MS4A13: variants seen among roughly 807,000 people sequenced by gnomAD.
MS4A13 encodes membrane spanning 4-domains A13.
Under a neutral mutation model 18.4 loss-of-function variants are expected in MS4A13, and 21 were observed. The ratio of observed to expected loss-of-function variants is 1.14; its 90% CI spans 0.81 to 1.64. MS4A13 has a LOEUF of 1.64. Among genes scored for constraint, MS4A13 ranks in the 40% most tolerant of loss-of-function variants. The probability of loss-of-function intolerance (pLI) is 0.00; values close to 1 mark genes in which losing one functional copy is unlikely to be tolerated. For missense variants in MS4A13, 173 were observed against 176.8 expected (o/e 0.98, Z 0.12); for synonymous variants, 62 against 57.2 (o/e 1.08, Z -0.38).
chr11:60,518,924 G>A (rs2135247415), intron 3 of MS4A13, among the ~76,000 whole-genome samples: 1 of 152,314 alleles, frequency 6.6e-6, no homozygotes, highest in Admixed American at 6.5e-5. Context: ...TAAAGAAATG[G>A]GGTGATAGCT....
chr11:60,533,366 G>C (rs1299139030), intron 6 of MS4A13, among the ~76,000 whole-genome samples: 9 of 122,008 alleles, frequency 7.4e-5, no homozygotes, highest in Admixed American at 2.8e-4. Context: ...CAAGAACTAC[G>C]TGAAGAATGC....
At chr11:60,538,177 T>TTTAAAA (rs60140970) in intron 6 of MS4A13, among the ~76,000 whole-genome samples, 2 of 75,120 alleles carry the variant, frequency 2.7e-5, no homozygotes, top group Non-Finnish European at 6.2e-5. Context: ...TAAAGTATAA[T>TTTAAAA]AAAAAAAAAA....
intron 6 of MS4A13, among the ~76,000 whole-genome samples, chr11:60,532,165 G>A (rs2135264019): frequency 6.6e-6 from 1 of 152,314 alleles, no homozygotes; most frequent in East Asian, 1.9e-4. Flanking sequence ...GTAGGTTGGA[G>A]GAGCCAAGAT....
intron 6 of MS4A13, among the ~76,000 whole-genome samples, chr11:60,538,349 C>T (rs1031468959): frequency 1.2e-4 from 18 of 151,648 alleles, no homozygotes; most frequent in East Asian, 3.9e-4. Context: ...GGATCAATTA[C>T]GTAGACTGGG....
intron 6 of MS4A13, among the ~76,000 whole-genome samples, chr11:60,536,417 C>T (rs1297644859): frequency 1.4e-4 from 7 of 51,436 alleles, no homozygotes; most frequent in Non-Finnish European, 2.4e-4. Flanking sequence ...AGTGAAATCA[C>T]ATTCACAATT....
rs377030647 is a variant in MS4A13 at position 60,542,687 on chromosome 11, T to A, written c.*112T>A. The stretch of plus-strand genomic sequence containing the variant: ...CCTACAGATTTTGTGCAAAATAAAA[T>A]ACAAACAAGGTGAATTTTTCTCCTC... On this transcript the variant is annotated 3_prime_UTR_variant, in exon 7 of 7. Transcript: ENST00000378186. 3.4e-6 allele frequency: 2 copies of A among 584,826 alleles called. No homozygotes were observed. Among genetic ancestry groups the A allele is most frequent in the African/African-American group, 1.9e-5 (1 of 53,344 alleles). The allele number at this position is 584,826 out of a possible 1,614,324, so 36.2% of individuals were successfully genotyped here.
chr11:60,518,465 G>A (rs2086652813), intron 3 of MS4A13, among the ~76,000 whole-genome samples: 1 of 152,164 alleles, frequency 6.6e-6, no homozygotes, highest in Non-Finnish European at 1.5e-5. Context: ...TTTGTCCCTA[G>A]ATATGTGAAA....
chr11:60,527,702 G>C (rs991126953), intron 5 of MS4A13, among the ~76,000 whole-genome samples: 1 of 151,978 alleles, frequency 6.6e-6, no homozygotes, highest in Non-Finnish European at 1.5e-5. Flanking sequence ...TGGGCATGGC[G>C]GTGGGCACCT....
At chr11:60,521,282 T>G (rs1478466760) in intron 3 of MS4A13, among the ~76,000 whole-genome samples, 11 of 152,366 alleles carry the variant, frequency 7.2e-5, no homozygotes, top group Non-Finnish European at 2.9e-5. Context: ...GCTCCTCATT[T>G]CTTATGCAAA....
chr11:60,526,046 G>A (rs143743534), intron 5 of MS4A13, among the ~76,000 whole-genome samples: 2,306 of 152,120 alleles, frequency 0.015, 23 homozygotes, highest in Non-Finnish European at 0.025. Context: ...GAGTAGAAGC[G>A]TCATTACAGG....
chr11:60,518,241 A>G (rs1309827655), intron 3 of MS4A13, 29 bp downstream of exon 3: 3 of 1,544,442 alleles, frequency 1.9e-6, no homozygotes, highest in Non-Finnish European at 1.8e-6. Flanking sequence ...TATTGCTTTA[A>G]TCATACAATA....
intron 3 of MS4A13, among the ~76,000 whole-genome samples, chr11:60,521,426 T>G (rs375396675): frequency 6.6e-6 from 1 of 152,224 alleles, no homozygotes; most frequent in Non-Finnish European, 1.5e-5. Context: ...AGCATCCAAG[T>G]CACCTCTTGA....
chr11:60,525,060 GA>G, intron 4 of MS4A13, 146 bp from the exon 5 acceptor site: 1 of 538,886 alleles, frequency 1.9e-6, no homozygotes, highest in South Asian at 2.4e-5. Context: ...ATATAAATCA[GA>G]AAAATATTTT....
At chr11:60,538,050 ATGGCAT>A (rs2086822074) in intron 6 of MS4A13, among the ~76,000 whole-genome samples, 1 of 112,692 alleles carries the variant, frequency 8.9e-6, no homozygotes, top group Non-Finnish European at 1.8e-5. Flanking sequence ...GGGGGGAGGG[ATGGCAT>A]TGGGAGATAT....
chr11:60,541,402 T>C (rs1472502702), intron 6 of MS4A13, among the ~76,000 whole-genome samples: 1 of 152,200 alleles, frequency 6.6e-6, no homozygotes, highest in Non-Finnish European at 1.5e-5. Flanking sequence ...AGTTGAGGTG[T>C]ATTACTTCAT....
Position 60,525,341 on chromosome 11 carries a change from C to A in MS4A13, c.306+15C>A. 2 of 1,521,676 alleles carry A rather than the reference C, an allele frequency of 1.3e-6. No homozygotes were observed. The highest frequency in any genetic ancestry group is 1.8e-6 in the Non-Finnish European group (2 of 1,126,460). The allele number at this position is 1,521,676 out of a possible 1,614,324, so 94.3% of individuals were successfully genotyped here. On this transcript the variant is annotated intron_variant, in intron 5 of 6. Transcript: ENST00000378186. ...ATGGACAAGCAGTAAGTGACCAATTCTATGGGAACATATTAATTTTAAAAT... is the reference window on the plus strand; with the variant it reads ...ATGGACAAGCAGTAAGTGACCAATTATATGGGAACATATTAATTTTAAAAT...
chr11:60,522,280 G>A (rs1031416033), intron 3 of MS4A13, among the ~76,000 whole-genome samples: 2 of 108,122 alleles, frequency 1.8e-5, no homozygotes, highest in Non-Finnish European at 3.9e-5. Context: ...ATATGTATGT[G>A]TGTGTTTGTG....
At position 60,522,632 on chromosome 11, in the gene MS4A13, G is replaced by T. The variant is rs74875129; in HGVS notation, c.130-1265G>T. Among the ~76,000 whole-genome samples the T allele has an allele frequency of 4.1e-3, 624 of 152,216 alleles. 1 individual carries two copies. Among genetic ancestry groups the T allele is most frequent in the Non-Finnish European group, 6.2e-3 (425 of 68,014 alleles). The stretch of plus-strand genomic sequence containing the variant: ...TTTATACATACACTAATTCATAAGT[G>T]TCAATGGATTGCCTTGAAAAAATAG... On this transcript the variant is annotated intron_variant, in intron 3 of 6. Coordinates refer to ENST00000378186, the MANE Select transcript of MS4A13 (RefSeq NM_001012417.3).
At chr11:60,524,394 G>A (rs866616641) in intron 4 of MS4A13, among the ~76,000 whole-genome samples, 9 of 152,018 alleles carry the variant, frequency 5.9e-5, no homozygotes, top group Non-Finnish European at 1.3e-4. Flanking sequence ...GATAGAATTG[G>A]GAAGAACACT....
Sources: allele counts gnomAD v4.1 joint callset (sites outside exome capture counted in the v4.1 genomes callset), GRCh38; gene constraint gnomAD v4.1.1; transcripts MANE v1.5; gene names NCBI Gene and HGNC (gene_info 2026-07-23, HGNC 2026-07-21).